Variants in TGFB2 observed in about 807,000 individuals in gnomAD.
TGFB2 encodes the protein transforming growth factor beta-2 proprotein.
A neutral mutation model predicts 42.7 loss-of-function variants in TGFB2; 13 were observed. The observed-to-expected ratio is 0.30, with a 90% confidence interval of 0.20 to 0.48. TGFB2 has a LOEUF of 0.48. TGFB2 is among the 20% of genes least tolerant of loss of function. TGFB2 has a pLI of 0.99. For synonymous variants in TGFB2, 193 were observed against 193.6 expected (o/e 1.00, Z 0.03); for missense variants, 390 against 517.5 (o/e 0.75, Z 2.39).
chr1:218,346,056 GCACA>G lies in TGFB2; in HGVS notation c.-624_-621del, dbSNP rs151329324. Among the ~76,000 whole-genome samples, 1,489 of 145,656 alleles carry G rather than the reference GCACA, an allele frequency of 0.01. 10 individuals are homozygous for G. Among genetic ancestry groups the G allele is most frequent in the Middle Eastern group, 0.039 (11 of 282 alleles). On this transcript the variant is annotated 5_prime_UTR_variant, in exon 1 of 7. Coordinates refer to ENST00000366930, the MANE Select transcript of TGFB2 (RefSeq NM_003238.6). This position sits in a 1 kb window ranked among gnomAD's most constrained non-coding sequence, Gnocchi z 4.9. The stretch of plus-strand genomic sequence containing the variant: ...GGGCTCGCCCCCAGCGCGCGCACAC[GCACA>G]CACACACACACACACACACACGCAC...
chr1:218,357,039 C>A (rs1383539675), intron 1 of TGFB2, among the ~76,000 whole-genome samples: 1 of 151,642 alleles, frequency 6.6e-6, no homozygotes, highest in African/African-American at 2.4e-5. Flanking sequence ...TGGTGAAACC[C>A]TGTCTCTACT....
chr1:218,377,958 GTGTT>G (rs67890412), intron 1 of TGFB2, among the ~76,000 whole-genome samples: 11,084 of 149,188 alleles, frequency 0.074, 962 homozygotes, highest in African/African-American at 0.22. Flanking sequence ...ATATTATAGT[GTGTT>G]TGTTTGTTTG....
In TGFB2 at chr1:218,434,203, T is replaced by C; in HGVS notation, c.632T>C (p.Leu211Pro). The C allele has an allele frequency of 6.2e-7, 1 of 1,614,142 alleles. No homozygotes were observed. The highest frequency in any genetic ancestry group is 8.5e-7 in the Non-Finnish European group (1 of 1,179,984). ...GTAACTGATGCTGTTCATGAATGGC[T>C]TCACCATAAAGGTTACAAGCCACTC... ...FDVTDAVHEW[L>P]HHKDRNLGFK... The change falls in exon 3 of 7, where the codon CTT (leucine) becomes CCT (proline). Residue 211 changes from leucine (L) to proline (P), a missense_variant. Transcript: ENST00000366930.
intron 1 of TGFB2, among the ~76,000 whole-genome samples, chr1:218,399,906 C>A (rs560074611): frequency 6.6e-6 from 1 of 152,046 alleles, no homozygotes; most frequent in African/African-American, 2.4e-5. Context: ...CTAGACCCAG[C>A]GCTCCAACTT....
At chr1:218,355,857 T>C (rs1657015474) in intron 1 of TGFB2, among the ~76,000 whole-genome samples, 8 of 152,174 alleles carry the variant, frequency 5.3e-5, no homozygotes. Flanking sequence ...GCCAATTAAC[T>C]CAGCCATTGA....
chr1:218,384,654 G>A (rs1658072117), intron 1 of TGFB2, among the ~76,000 whole-genome samples: 1 of 152,198 alleles, frequency 6.6e-6, no homozygotes, highest in Admixed American at 6.5e-5. Context: ...TGTACATATT[G>A]AGAGAGGCTG....
intron 2 of TGFB2, among the ~76,000 whole-genome samples, chr1:218,413,306 G>C (rs1171444819): frequency 6.6e-6 from 1 of 151,882 alleles, no homozygotes; most frequent in African/African-American, 2.4e-5. Context: ...CCGAGAGGCA[G>C]AGGTTGCAGT....
intron 2 of TGFB2, among the ~76,000 whole-genome samples, chr1:218,424,505 T>C (rs532242244): frequency 1.6e-4 from 24 of 152,320 alleles, no homozygotes; most frequent in African/African-American, 5.8e-4. Flanking sequence ...GAAATGCAGA[T>C]TCTTGGGCCT....
rs758704356 is a variant in TGFB2 at position 218,437,393 on chromosome 1, G to A, written c.983G>A (p.Arg328Lys). ...CGTCCACTTTACATTGATTTCAAGAGGGATCTAGGGTGGAAATGGATACAC... is the reference window on the plus strand; with the variant it reads ...CGTCCACTTTACATTGATTTCAAGAAGGATCTAGGGTGGAAATGGATACAC... ...CLRPLYIDFK[R>K]DLGWKWIHEP... is the part of the protein sequence containing the mutation. Residue 328 changes from arginine (R) to lysine (K), a missense_variant, in exon 6 of 7, where the codon AGG (arginine) becomes AAG (lysine). Transcript: ENST00000366930. 1 of 1,612,972 alleles carries A rather than the reference G, an allele frequency of 6.2e-7. No individual in the cohort carries two copies.
chr1:218,368,270 G>A (rs779789626), intron 1 of TGFB2, among the ~76,000 whole-genome samples: 2 of 151,962 alleles, frequency 1.3e-5, no homozygotes, highest in African/African-American at 2.4e-5. Flanking sequence ...TGAATCTCCC[G>A]AGTAGCTGGG....
chr1:218,415,736 G>A (rs1378920526), intron 2 of TGFB2, among the ~76,000 whole-genome samples: 1 of 146,104 alleles, frequency 6.8e-6, no homozygotes, highest in East Asian at 2.0e-4. Context: ...TTGCAGATGA[G>A]CATATCAGAG....
chr1:218,363,656 G>T (rs1657291041), intron 1 of TGFB2, among the ~76,000 whole-genome samples: 1 of 152,194 alleles, frequency 6.6e-6, no homozygotes, highest in Non-Finnish European at 1.5e-5. Context: ...AGAATGACTT[G>T]TGGGGATGAG....
rs533773852 is a variant in TGFB2, at chr1:218,359,546, A to C, written c.346+12499A>C. 1.3e-4 allele frequency among the ~76,000 whole-genome samples: 20 copies of C among 152,340 alleles called. No homozygotes were observed. In the South Asian group the frequency reaches 4.1e-3, roughly 32 times the overall value. On this transcript the variant is annotated intron_variant, in intron 1 of 6. Transcript: ENST00000366930. ...CCATCAATAATGAAACTATGTGTGT[A>C]AAGTCATGTCTAATTTTATTAACTG... is the stretch of plus-strand genomic sequence containing the variant.
rs748386982 is a variant in TGFB2, at chr1:218,434,475, G to T, written c.754+27G>T. On this transcript the variant is annotated intron_variant, in intron 4 of 6. Transcript: ENST00000366930. Reference sequence around the variant, plus strand: ...TAACCAAAACTTGGTCATATGAGGTGGGGGAGGGAAGGGTCTATATTGATA... The same window carrying T: ...TAACCAAAACTTGGTCATATGAGGTTGGGGAGGGAAGGGTCTATATTGATA... The T allele has an allele frequency of 4.9e-6, 7 of 1,430,828 alleles. No homozygotes were observed. The East Asian group carries it at 1.1e-4, about 23-fold the overall frequency. The allele number at this position is 1,430,828 out of a possible 1,614,324, so 88.6% of individuals were successfully genotyped here. A position where few individuals can be genotyped will look rare whatever the true frequency, so the allele number is the denominator to read the frequency against.
At chr1:218,392,353 AAAAC>A (rs753703983) in intron 1 of TGFB2, among the ~76,000 whole-genome samples, 9 of 152,260 alleles carry the variant, frequency 5.9e-5, no homozygotes, top group South Asian at 4.1e-4. Flanking sequence ...ACTCCGTCTC[AAAAC>A]AAACAAACAA....
rs1214522174 is a variant in TGFB2 at position 218,345,639 on chromosome 1, A to G, written c.-1063A>G. ...AATTCCACGTTGGGGAGAAGCCAGC[A>G]GAGGTTGGGAAAGGGTGGGAGTCCA... On this transcript the variant is annotated 5_prime_UTR_variant, in exon 1 of 7. Transcript: ENST00000366930. The G allele has an allele frequency of 2.0e-5, 3 of 152,776 alleles. No homozygotes were observed. The East Asian group carries it at 5.8e-4, about 30-fold the overall frequency. 9.5% of individuals were successfully genotyped at this position (152,776 alleles called of 1,614,324 possible).
intron 1 of TGFB2, among the ~76,000 whole-genome samples, chr1:218,395,096 G>C (rs1397334586): frequency 6.6e-6 from 1 of 152,302 alleles, no homozygotes; most frequent in East Asian, 1.9e-4. Flanking sequence ...GTCATTTCTG[G>C]AAAGGGAAAT....
intron 2 of TGFB2, among the ~76,000 whole-genome samples, chr1:218,410,233 C>A (rs1457073323): frequency 6.6e-6 from 1 of 152,114 alleles, no homozygotes; most frequent in African/African-American, 2.4e-5. Flanking sequence ...TTTTTAGAGT[C>A]ACAATATGAG....
chr1:218,433,975 G>C, intron 2 of TGFB2, 107 bp from the exon 3 acceptor site: 3 of 1,463,612 alleles, frequency 2.0e-6, no homozygotes, highest in Non-Finnish European at 2.8e-6. Flanking sequence ...CTATACTACA[G>C]TAGAGCTAAA....
Sources: gnomAD v4.1 joint callset for allele counts (sites outside exome capture counted in the v4.1 genomes callset) on GRCh38, gnomAD v4.1.1 for gene constraint, Gnocchi (gnomAD v3.1) non-coding constraint, MANE v1.5 for transcripts, NCBI Gene and HGNC (gene_info 2026-07-23, HGNC 2026-07-21) for gene names.